The following CDIN1 variants were observed in gnomAD, a reference collection of about 807,000 sequenced individuals.
CDIN1 encodes the protein CDAN1 interacting nuclease 1, also known as CDAN1-interacting nuclease 1.
A neutral mutation model predicts 45.3 loss-of-function variants in CDIN1; 33 were observed. That is an observed-to-expected ratio of 0.73 (90% CI 0.55 to 0.97). CDIN1 has a LOEUF of 0.97. Ranked by LOEUF, CDIN1 falls within the 50% of genes least tolerant of loss-of-function variation. The pLI is 0.00. For missense variants in CDIN1, 303 were observed against 339.4 expected, an observed-to-expected ratio of 0.89 and a Z score of 0.84; for synonymous variants, 118 against 124.4, an observed-to-expected ratio of 0.95 and a Z score of 0.34.
chr15:36,611,205 G>A (rs2038633631), intron 1 of CDIN1, among the ~76,000 whole-genome samples: 1 of 152,176 alleles, frequency 6.6e-6, no homozygotes, highest in Non-Finnish European at 1.5e-5. Context: ...GAACTGGGTA[G>A]CTATTGACAA....
intron 3 of CDIN1, among the ~76,000 whole-genome samples, chr15:36,653,579 A>AT (rs1422381729): frequency 1.3e-5 from 2 of 152,068 alleles, no homozygotes; most frequent in Admixed American, 1.3e-4. Flanking sequence ...GTTCTTCCAC[A>AT]AATCTAGGGC....
intron 7 of CDIN1, among the ~76,000 whole-genome samples, chr15:36,695,499 G>A (rs2042389865): frequency 6.6e-6 from 1 of 152,054 alleles, no homozygotes; most frequent in African/African-American, 2.4e-5. Context: ...CCAGCCACGG[G>A]ACCTTCAGCA....
chr15:36,770,850 G>A (rs902996312), intron 10 of CDIN1, among the ~76,000 whole-genome samples: 6 of 152,184 alleles, frequency 3.9e-5, no homozygotes, highest in African/African-American at 1.2e-4. Context: ...CTCCCAAACT[G>A]CTGCACATTA....
intron 2 of CDIN1, among the ~76,000 whole-genome samples, 153 bp downstream of exon 2, chr15:36,644,476 C>T (rs1033072710): frequency 5.3e-5 from 8 of 151,962 alleles, no homozygotes; most frequent in Middle Eastern, 3.4e-3. Flanking sequence ...CGGTGGAGGC[C>T]TGCCAAGCCT....
intron 3 of CDIN1, among the ~76,000 whole-genome samples, chr15:36,650,426 ATTTATTTATTTATTT>A (rs1436104538): frequency 1.3e-5 from 1 of 78,166 alleles, no homozygotes; most frequent in Non-Finnish European, 2.6e-5. Context: ...TTATTTATTT[ATTTATTTATTTATTT>A]ATTTATTTAT....
intron 5 of CDIN1, among the ~76,000 whole-genome samples, chr15:36,689,794 T>C (rs1251189986): frequency 6.6e-6 from 1 of 152,216 alleles, no homozygotes; most frequent in Non-Finnish European, 1.5e-5. Flanking sequence ...TCAGAAATAA[T>C]TGAGTCCAAC....
chr15:36,800,907 G>GTATATATA (rs1282877205), intron 10 of CDIN1, among the ~76,000 whole-genome samples: 1,873 of 30,952 alleles, frequency 0.061, 95 homozygotes, highest in Non-Finnish European at 0.086. Flanking sequence ...GTGTGTGTGT[G>GTATATATA]TGTATATATA....
chr15:36,652,644 T>A (rs2040619261), intron 3 of CDIN1, among the ~76,000 whole-genome samples: 1 of 152,210 alleles, frequency 6.6e-6, no homozygotes, highest in South Asian at 2.1e-4. Flanking sequence ...TTCCAATTGG[T>A]TTCCCAAATA....
intron 10 of CDIN1, among the ~76,000 whole-genome samples, chr15:36,760,805 A>G (rs528076295): frequency 1.3e-5 from 2 of 152,330 alleles, no homozygotes; most frequent in East Asian, 3.9e-4. Context: ...TAATATCCAG[A>G]TAATAGACTT....
At chr15:36,674,776 G>C (rs962919922) in intron 5 of CDIN1, among the ~76,000 whole-genome samples, 2 of 151,954 alleles carry the variant, frequency 1.3e-5, no homozygotes, top group Admixed American at 1.3e-4. Flanking sequence ...AAAGTTTGTG[G>C]CCTCATATTT....
chr15:36,735,125 A>T (rs1307736145), intron 10 of CDIN1, among the ~76,000 whole-genome samples: 1 of 152,234 alleles, frequency 6.6e-6, no homozygotes, highest in African/African-American at 2.4e-5. Context: ...GATTTGTTGC[A>T]TTTTGACTGT....
intron 10 of CDIN1, among the ~76,000 whole-genome samples, chr15:36,768,597 C>T (rs1239659483): frequency 6.6e-6 from 1 of 152,164 alleles, no homozygotes; most frequent in Non-Finnish European, 1.5e-5. Flanking sequence ...TATCAGGCTG[C>T]CTTTACGCAG....
chr15:36,667,759 G>A (rs899999679), intron 5 of CDIN1, among the ~76,000 whole-genome samples: 10 of 152,072 alleles, frequency 6.6e-5, no homozygotes, highest in African/African-American at 2.4e-4. Flanking sequence ...TATTTTAGTT[G>A]TTAATACTAT....
chr15:36,629,634 C>T (rs1047500621), intron 1 of CDIN1, among the ~76,000 whole-genome samples: 3 of 152,134 alleles, frequency 2.0e-5, no homozygotes, highest in Non-Finnish European at 4.4e-5. Context: ...ATATTCTAAA[C>T]CCTTTTGACA....
intron 10 of CDIN1, among the ~76,000 whole-genome samples, chr15:36,788,088 ATATATATATATATATATATTTTTT>A (rs1427877268): frequency 2.8e-4 from 10 of 35,246 alleles, no homozygotes; most frequent in African/African-American, 1.4e-3. Flanking sequence ...ATATATATAT[ATATATATATATATATATATTTTTT>A]TTTTTTTTTT....
chr15:36,581,146 G>A (rs2140147300), intron 1 of CDIN1, among the ~76,000 whole-genome samples: 1 of 152,256 alleles, frequency 6.6e-6, no homozygotes, highest in African/African-American at 2.4e-5. Flanking sequence ...TTAATTTTCT[G>A]TCATTAACTC....
intron 10 of CDIN1, among the ~76,000 whole-genome samples, chr15:36,783,465 C>A (rs1237414185): frequency 1.3e-5 from 2 of 151,762 alleles, no homozygotes; most frequent in African/African-American, 4.8e-5. Context: ...AATATTTAAG[C>A]ATTTTGTCAA....
chr15:36,608,976 T>TATAGATAG (rs35140623), intron 1 of CDIN1, among the ~76,000 whole-genome samples: 5,064 of 149,412 alleles, frequency 0.034, 107 homozygotes, highest in Middle Eastern at 0.041. Flanking sequence ...TATGTGTGTA[T>TATAGATAG]ATAGATAGAT....
chr15:36,590,541 CA>C (rs1211102113), intron 1 of CDIN1, among the ~76,000 whole-genome samples: 7 of 152,136 alleles, frequency 4.6e-5, no homozygotes, highest in Admixed American at 2.6e-4. Context: ...GTGCGAAGCC[CA>C]GTCTTTTTCT....
Sources: allele counts gnomAD v4.1 joint callset (sites outside exome capture counted in the v4.1 genomes callset), GRCh38; gene constraint gnomAD v4.1.1; transcripts MANE v1.5; gene names NCBI Gene and HGNC (gene_info 2026-07-23, HGNC 2026-07-21).